Variants in NCOA3 observed in about 807,000 individuals in gnomAD.
NCOA3 encodes CBP-interacting protein.
NCOA3 carries 51 observed loss-of-function variants against 158.8 expected under a neutral mutation model. The observed-to-expected ratio is 0.32, with a 90% CI of 0.26 to 0.41. The LOEUF is 0.41. Ranked by LOEUF, NCOA3 falls within the 10% of genes least tolerant of loss-of-function variation. The pLI, the probability that NCOA3 is intolerant of heterozygous loss-of-function variation, is 1.00. For synonymous variants in NCOA3, 537 were observed against 592.4 expected (o/e 0.91, Z 1.36); for missense variants, 1,510 against 1,746.6 (o/e 0.86, Z 2.41).
rs150544303 is a variant in NCOA3, at chr20:47,548,572, AT to A, written c.-98-34609del. Among the ~76,000 whole-genome samples, 1,101 of 152,194 alleles carry A rather than the reference AT, an allele frequency of 7.2e-3. 22 individuals carry two copies. The highest frequency in any genetic ancestry group is 0.025 in the African/African-American group (1,043 of 41,532). ...AAAATAAAATAAAATAAAAATAAAA[AT>A]TAAAAAAAAATCTTTTTTACTGCAT... On this transcript the variant is annotated intron_variant, in intron 1 of 22. Coordinates refer to ENST00000371998, the MANE Select transcript of NCOA3 (RefSeq NM_181659.3).
At chr20:47,519,036 C>A (rs564423079) in intron 1 of NCOA3, among the ~76,000 whole-genome samples, 1 of 151,258 alleles carries the variant, frequency 6.6e-6, no homozygotes, top group African/African-American at 2.4e-5. Context: ...CTCAGGAGGC[C>A]GAGGCAGGAG....
chr20:47,584,131 A>G (rs908320396), intron 2 of NCOA3, among the ~76,000 whole-genome samples: 1 of 151,726 alleles, frequency 6.6e-6, no homozygotes, highest in Non-Finnish European at 1.5e-5. Flanking sequence ...CCCCAGTTCT[A>G]CAAAACACAC....
chr20:47,634,659 G>A lies in NCOA3; in HGVS notation c.1112+464G>A, dbSNP rs118037222. On this transcript the variant is annotated intron_variant, in intron 10 of 22. Transcript: ENST00000371998. ...CCCAGGTGAAGCCCTAGATAATGTGGCAACTCTAATAAAGCCCACCTGAAA... is the reference window on the plus strand; with the variant it reads ...CCCAGGTGAAGCCCTAGATAATGTGACAACTCTAATAAAGCCCACCTGAAA... 7.2e-5 allele frequency among the ~76,000 whole-genome samples: 11 copies of A among 152,226 alleles called. No individual in the cohort carries two copies. The East Asian group carries it at 2.1e-3, about 29-fold the overall frequency.
intron 1 of NCOA3, among the ~76,000 whole-genome samples, chr20:47,555,776 C>CT (rs1240753805): frequency 6.6e-6 from 1 of 150,522 alleles, no homozygotes; most frequent in East Asian, 1.9e-4. Context: ...GTAGCTGGGA[C>CT]TATAGGCGCC....
chr20:47,643,134 A>G lies in NCOA3; in HGVS notation c.3252+750A>G, dbSNP rs376980394. Among the ~76,000 whole-genome samples the G allele has an allele frequency of 2.6e-5, 4 of 152,326 alleles. 1 individual carries two copies. The highest frequency in any genetic ancestry group is 9.6e-5 in the African/African-American group (4 of 41,588). On this transcript the variant is annotated intron_variant, in intron 17 of 22. Transcript: ENST00000371998. ...TTGCCATGTTGGCCAGGCTGGTCTC[A>G]AACTTCTGACCTCAAGTGATCCACT...
intron 16 of NCOA3, among the ~76,000 whole-genome samples, chr20:47,641,917 C>A (rs981282960): frequency 6.6e-6 from 1 of 152,062 alleles, no homozygotes; most frequent in African/African-American, 2.4e-5. Context: ...CCTACCCTCC[C>A]CCTGGCCCCC....
chr20:47,540,046 A>G (rs977628270), intron 1 of NCOA3, among the ~76,000 whole-genome samples: 2 of 152,144 alleles, frequency 1.3e-5, no homozygotes, highest in Non-Finnish European at 1.5e-5. Flanking sequence ...ATTGAAGCTC[A>G]TGGGTTAATT....
At chr20:47,523,376 G>A (rs1291961713) in intron 1 of NCOA3, among the ~76,000 whole-genome samples, 8 of 152,144 alleles carry the variant, frequency 5.3e-5, no homozygotes, top group African/African-American at 1.9e-4. Context: ...AAGGGTCTTC[G>A]GAGGAATGGC....
At chr20:47,571,429 T>G (rs566347984) in intron 1 of NCOA3, among the ~76,000 whole-genome samples, 1 of 152,068 alleles carries the variant, frequency 6.6e-6, no homozygotes, top group Admixed American at 6.6e-5. Context: ...GCGATTCTTG[T>G]GCTTCAGCCT....
chr20:47,501,920 G>A lies in NCOA3; in HGVS notation c.-198G>A, dbSNP rs2083937971. 2.5e-6 allele frequency: 1 copy of A among 400,528 alleles called. No homozygotes were observed. The highest frequency in any genetic ancestry group is 4.4e-6 in the Non-Finnish European group (1 of 227,426). 24.8% of individuals were successfully genotyped at this position (400,528 alleles called of 1,614,324 possible). ...CTGTCTCAGCCGCTCCACAGCGACG[G>A]CAGCGGCTGCGGCTTAGTCGGTGGC... On this transcript the variant is annotated 5_prime_UTR_variant, in exon 1 of 23. Transcript: ENST00000371998.
Position 47,558,477 on chromosome 20 carries a change from AAT to A in NCOA3, c.-98-24702_-98-24701del, listed in dbSNP as rs1433580020. ...TCACCTCTTTAAAGTTCTGTCTCTA[AAT>A]ATAGTCACATTGTGAGAGGTGAGGA... On this transcript the variant is annotated intron_variant, in intron 1 of 22. Transcript: ENST00000371998. Among the ~76,000 whole-genome samples the A allele has an allele frequency of 9.9e-5, 15 of 151,876 alleles. 1 individual carries two copies. Among genetic ancestry groups the A allele is most frequent in the Admixed American group, 8.5e-4 (13 of 15,234 alleles).
intron 8 of NCOA3, chr20:47,630,269 A>G (rs546600938): frequency 6.6e-5 from 10 of 152,124 alleles, no homozygotes; most frequent in Non-Finnish European, 1.5e-4. Context: ...CTGAATTTTA[A>G]ACAGATTATT....
At chr20:47,509,439 C>G (rs1162699817) in intron 1 of NCOA3, among the ~76,000 whole-genome samples, 2 of 152,144 alleles carry the variant, frequency 1.3e-5, no homozygotes, top group Non-Finnish European at 2.9e-5. Context: ...TATGCTATAA[C>G]TGGGTAAAAG....
intron 1 of NCOA3, among the ~76,000 whole-genome samples, chr20:47,516,881 C>T (rs975660581): frequency 4.1e-5 from 6 of 147,618 alleles, no homozygotes; most frequent in Non-Finnish European, 5.9e-5. Flanking sequence ...AAGATCACGC[C>T]ACTGCCCTCT....
At chr20:47,529,949 G>C (rs553114068) in intron 1 of NCOA3, among the ~76,000 whole-genome samples, 2 of 152,304 alleles carry the variant, frequency 1.3e-5, no homozygotes, top group South Asian at 4.1e-4. Flanking sequence ...AGACATTCTG[G>C]ATGTCAGCCT....
chr20:47,517,623 G>A (rs2084257255), intron 1 of NCOA3, among the ~76,000 whole-genome samples: 1 of 151,576 alleles, frequency 6.6e-6, no homozygotes, highest in African/African-American at 2.4e-5. Flanking sequence ...GCTAATTTTT[G>A]TATTTTTAGT....
At chr20:47,585,875 A>G (rs1483749928) in intron 2 of NCOA3, among the ~76,000 whole-genome samples, 2 of 151,104 alleles carry the variant, frequency 1.3e-5, no homozygotes, top group African/African-American at 4.9e-5. Context: ...CCCTCAGTTA[A>G]TTGTGATATA....
intron 22 of NCOA3, 96 bp downstream of exon 22, chr20:47,653,168 T>G: frequency 7.1e-7 from 1 of 1,399,024 alleles, no homozygotes; most frequent in Non-Finnish European, 9.7e-7. Flanking sequence ...TAGGTATATT[T>G]TAACTTGAAT....
At chr20:47,614,005 TAGG>T (rs2146283496) in intron 2 of NCOA3, among the ~76,000 whole-genome samples, 1 of 152,098 alleles carries the variant, frequency 6.6e-6, no homozygotes, top group African/African-American at 2.4e-5. Flanking sequence ...GAAACAAAGG[TAGG>T]AGGAGATACT....
Sources: allele counts gnomAD v4.1 joint callset (sites outside exome capture counted in the v4.1 genomes callset), GRCh38; gene constraint gnomAD v4.1.1; transcripts MANE v1.5; gene names NCBI Gene and HGNC (gene_info 2026-07-23, HGNC 2026-07-21).